Variants in C3orf20 observed in about 807,000 individuals in gnomAD.
The protein encoded by C3orf20 is uncharacterized protein C3orf20.
Under a neutral mutation model 88.3 loss-of-function variants are expected in C3orf20, and 76 were observed. That is an observed-to-expected ratio of 0.86 (90% CI 0.72 to 1.04). C3orf20 has a LOEUF of 1.04. Ranked by LOEUF, C3orf20 falls within the 50% of genes least tolerant of loss-of-function variation. The probability of loss-of-function intolerance (pLI) is 0.00; values close to 1 mark genes in which losing one functional copy is unlikely to be tolerated. For missense variants in C3orf20, 1,056 were observed against 1,123.3 expected, an observed-to-expected ratio of 0.94 and a Z score of 0.86; for synonymous variants, 436 against 437.4, an observed-to-expected ratio of 1.00 and a Z score of 0.04.
intron 15 of C3orf20, among the ~76,000 whole-genome samples, chr3:14,764,266 T>A (rs757823498): frequency 4.0e-5 from 6 of 151,624 alleles, no homozygotes; most frequent in Non-Finnish European, 5.9e-5. Context: ...ATGGTCTAGG[T>A]TCTTGAAAAT....
At chr3:14,727,558 T>C (rs971281402) in intron 11 of C3orf20, among the ~76,000 whole-genome samples, 1 of 152,064 alleles carries the variant, frequency 6.6e-6, no homozygotes, top group African/African-American at 2.4e-5. Context: ...TGACTGCTGA[T>C]GGGCCTGGGA....
intron 12 of C3orf20, among the ~76,000 whole-genome samples, chr3:14,730,782 C>T (rs538733910): frequency 5.1e-4 from 78 of 152,298 alleles, no homozygotes; most frequent in African/African-American, 1.7e-3. Context: ...TCTGAGAGTT[C>T]AGTTGCTCCA....
intron 5 of C3orf20, among the ~76,000 whole-genome samples, chr3:14,690,513 T>G (rs2032673957): frequency 1.3e-5 from 2 of 152,202 alleles, no homozygotes; most frequent in African/African-American, 4.8e-5. Context: ...GAGAGGTATT[T>G]GGATACCAAA....
chr3:14,730,686 A>G (rs1372957741), intron 12 of C3orf20, among the ~76,000 whole-genome samples: 3 of 152,186 alleles, frequency 2.0e-5, no homozygotes, highest in Non-Finnish European at 4.4e-5. Context: ...AATTGCTGTC[A>G]TTGAGTATGT....
At chr3:14,726,089 G>C (rs892060184) in intron 10 of C3orf20, among the ~76,000 whole-genome samples, 7 of 152,214 alleles carry the variant, frequency 4.6e-5, no homozygotes, top group Admixed American at 3.3e-4. Context: ...GGGTCTCCTG[G>C]GAAACAGACT....
chr3:14,735,518 C>T (rs577041665), intron 12 of C3orf20, among the ~76,000 whole-genome samples: 2 of 152,042 alleles, frequency 1.3e-5, no homozygotes, highest in South Asian at 2.1e-4. Context: ...GTCCATTTAC[C>T]GCTTGTTTTG....
intron 10 of C3orf20, among the ~76,000 whole-genome samples, chr3:14,725,670 C>T (rs767914706): frequency 6.6e-6 from 1 of 152,096 alleles, no homozygotes; most frequent in Non-Finnish European, 1.5e-5. Context: ...AGATTTCCTG[C>T]CTTCAGCATA....
chr3:14,721,168 C>T (rs962116514), intron 9 of C3orf20, among the ~76,000 whole-genome samples: 1 of 152,190 alleles, frequency 6.6e-6, no homozygotes, highest in Non-Finnish European at 1.5e-5. Context: ...CCTTCTGGGT[C>T]CTCTTTGACC....
intron 15 of C3orf20, 124 bp downstream of exon 15, chr3:14,761,739 G>T (rs780457077): frequency 6.5e-6 from 6 of 928,436 alleles, no homozygotes; most frequent in Admixed American, 2.2e-5. Context: ...GAGTGGGGAG[G>T]GGGGCTGGAG....
At chr3:14,702,488 T>A (rs543657829) in intron 5 of C3orf20, among the ~76,000 whole-genome samples, 1 of 149,696 alleles carries the variant, frequency 6.7e-6, no homozygotes, top group African/African-American at 2.5e-5. Context: ...TCACCCAGGC[T>A]GGAGTGCAGT....
At chr3:14,762,448 G>A (rs2035589708) in intron 15 of C3orf20, among the ~76,000 whole-genome samples, 1 of 152,232 alleles carries the variant, frequency 6.6e-6, no homozygotes, top group Non-Finnish European at 1.5e-5. Flanking sequence ...GACTGCTTTA[G>A]GGGAACATGA....
chr3:14,733,456 T>G (rs973918055), intron 12 of C3orf20, among the ~76,000 whole-genome samples: 6 of 152,230 alleles, frequency 3.9e-5, no homozygotes, highest in African/African-American at 1.4e-4. Context: ...TATTTCTTCT[T>G]TATCTATTAT....
chr3:14,687,049 G>A (rs951084467), intron 4 of C3orf20, among the ~76,000 whole-genome samples: 2 of 152,220 alleles, frequency 1.3e-5, no homozygotes, highest in South Asian at 2.1e-4. Context: ...CCTGATGCGG[G>A]GGAGCAGCAC....
chr3:14,727,236 G>A lies in C3orf20; in HGVS notation c.1690+212G>A, dbSNP rs368743300. ...AGGCCACACAGCTAAGAATAGTGAC[G>A]TGAGCCCACTTGCATTTCTGAGCTC... On this transcript the variant is annotated intron_variant, in intron 11 of 16. Transcript: ENST00000253697. Among the ~76,000 whole-genome samples the A allele has an allele frequency of 1.3e-3, 192 of 152,220 alleles. 1 individual carries two copies. Among genetic ancestry groups the A allele is most frequent in the Middle Eastern group, 6.8e-3 (2 of 294 alleles).
chr3:14,684,756 C>T (rs2032306734), intron 4 of C3orf20, among the ~76,000 whole-genome samples: 1 of 152,244 alleles, frequency 6.6e-6, no homozygotes, highest in South Asian at 2.1e-4. Flanking sequence ...AGTTGCTGCA[C>T]AGGCCTCTCA....
chr3:14,732,639 G>C (rs562473512), intron 12 of C3orf20, among the ~76,000 whole-genome samples: 1 of 152,148 alleles, frequency 6.6e-6, no homozygotes. Context: ...GACTAGGGAG[G>C]GGGTGCTACT....
At position 14,728,407 on chromosome 3, in the gene C3orf20, G is replaced by A. The variant is rs144067148; in HGVS notation, c.1691-32G>A. On this transcript the variant is annotated intron_variant, in intron 11 of 16. Coordinates refer to ENST00000253697, the MANE Select transcript of C3orf20 (RefSeq NM_032137.5). ...GGGGCAGAGGAGTCCTGGCCATGAAGGGAAAATGACAGCAGCATCTTCTGT... is the reference window on the plus strand; with the variant it reads ...GGGGCAGAGGAGTCCTGGCCATGAAAGGAAAATGACAGCAGCATCTTCTGT... The A allele has an allele frequency of 3.2e-4, 520 of 1,611,586 alleles. No individual in the cohort carries two copies. The African/African-American group carries it at 6.0e-3, about 19-fold the overall frequency.
chr3:14,717,322 G>C (rs1002443638), intron 9 of C3orf20, among the ~76,000 whole-genome samples: 1 of 152,174 alleles, frequency 6.6e-6, no homozygotes, highest in Non-Finnish European at 1.5e-5. Context: ...GCTGCATGCA[G>C]AAGAGCACAA....
intron 12 of C3orf20, among the ~76,000 whole-genome samples, chr3:14,742,151 A>G (rs1382959466): frequency 1.3e-5 from 2 of 152,236 alleles, no homozygotes; most frequent in African/African-American, 4.8e-5. Flanking sequence ...CATTACGTTT[A>G]ATGACAAAAA....
Sources: allele counts gnomAD v4.1 joint callset (sites outside exome capture counted in the v4.1 genomes callset), GRCh38; gene constraint gnomAD v4.1.1; transcripts MANE v1.5; gene names NCBI Gene and HGNC (gene_info 2026-07-23, HGNC 2026-07-21).